Variants in ATP10D observed in about 807,000 individuals in gnomAD.
ATP10D encodes ATPase phospholipid transporting 10D (putative), also known as phospholipid-transporting ATPase VD.
In ATP10D, 89 loss-of-function variants were observed where a neutral mutation model predicts 144.8. The ratio of observed to expected loss-of-function variants is 0.61; its 90% CI spans 0.52 to 0.73. The LOEUF is 0.73. Among genes scored for constraint, ATP10D ranks in the 30% least tolerant of loss-of-function variants. The pLI is 0.00. For missense variants in ATP10D, 1,603 were observed against 1,714.8 expected, an observed-to-expected ratio of 0.93 and a Z score of 1.15; for synonymous variants, 571 against 615.1, an observed-to-expected ratio of 0.93 and a Z score of 1.06.
intron 21 of ATP10D, among the ~76,000 whole-genome samples, chr4:47,582,395 T>A (rs995381163): frequency 6.6e-6 from 1 of 152,218 alleles, no homozygotes; most frequent in Admixed American, 6.5e-5. Flanking sequence ...AAAGGTGTTG[T>A]ATCATAATCC....
chr4:47,507,699 G>T (rs915688451), intron 1 of ATP10D, among the ~76,000 whole-genome samples: 4 of 152,154 alleles, frequency 2.6e-5, no homozygotes, highest in Admixed American at 6.5e-5. Flanking sequence ...GCATAGAGAG[G>T]AATTAGGTAT....
At chr4:47,503,635 C>T (rs1030776337) in intron 1 of ATP10D, among the ~76,000 whole-genome samples, 9 of 151,958 alleles carry the variant, frequency 5.9e-5, no homozygotes, top group African/African-American at 2.2e-4. Context: ...AGTGGCTCTC[C>T]CCTGTAATCC....
chr4:47,565,834 T>C (rs1273640336), intron 15 of ATP10D, among the ~76,000 whole-genome samples: 1 of 152,180 alleles, frequency 6.6e-6, no homozygotes, highest in African/African-American at 2.4e-5. Flanking sequence ...TTAAAGGCAT[T>C]TAAAACTATC....
chr4:47,533,803 TC>T (rs1717686883), intron 5 of ATP10D, among the ~76,000 whole-genome samples: 1 of 152,306 alleles, frequency 6.6e-6, no homozygotes, highest in African/African-American at 2.4e-5. Flanking sequence ...CTGAGCTATT[TC>T]AGTTTTTCCA....
At chr4:47,576,699 G>T in intron 18 of ATP10D, 74 bp from the exon 19 acceptor site, 1 of 1,412,904 alleles carries the variant, frequency 7.1e-7, no homozygotes. Flanking sequence ...GCTCAAAATG[G>T]CAGCATTTGG....
At chr4:47,543,820 A>G (rs1718279709) in intron 9 of ATP10D, among the ~76,000 whole-genome samples, 1 of 136,292 alleles carries the variant, frequency 7.3e-6, no homozygotes. Flanking sequence ...GGAAATAGGT[A>G]TACATATATA....
intron 9 of ATP10D, among the ~76,000 whole-genome samples, chr4:47,539,055 G>A (rs1176412912): frequency 1.3e-5 from 2 of 152,166 alleles, no homozygotes; most frequent in Non-Finnish European, 2.9e-5. Context: ...ACGGGGGACA[G>A]GACTATTCAG....
In ATP10D at chr4:47,558,096, A is replaced by G. The variant is rs1454230675; in HGVS notation, c.2257A>G (p.Met753Val). ...ACGGTCTCGGACACCAGAGCAGGTC[A>G]TGGTGGACTTTGCTGCTTTGGGACC... ...TLRSRTPEQV[M>V]VDFAALGPLT... The change falls in exon 12 of 23, where the codon ATG becomes GTG. Residue 753 changes from methionine to valine, a missense_variant. Met to Val is a conservative substitution (Grantham distance 21). Transcript: ENST00000273859. The G allele has an allele frequency of 6.2e-7, 1 of 1,614,180 alleles. No homozygotes were observed. Among genetic ancestry groups the G allele is most frequent in the Admixed American group, 1.7e-5 (1 of 60,022 alleles).
At chr4:47,588,074 G>T (rs111739830) in intron 22 of ATP10D, among the ~76,000 whole-genome samples, 1,901 of 152,252 alleles carry the variant, frequency 0.012, 16 homozygotes, top group Non-Finnish European at 0.018. Context: ...AGGGAGGCTG[G>T]GTGTTGAGGG....
At chr4:47,485,990 T>C (rs1032133209) in intron 1 of ATP10D, among the ~76,000 whole-genome samples, 7 of 152,180 alleles carry the variant, frequency 4.6e-5, no homozygotes, top group Admixed American at 3.9e-4. Flanking sequence ...GTTGAAGATT[T>C]AGCCCAGCAG....
At chr4:47,558,572 G>T (rs1319356980) in intron 12 of ATP10D, among the ~76,000 whole-genome samples, 1 of 152,200 alleles carries the variant, frequency 6.6e-6, no homozygotes, top group Non-Finnish European at 1.5e-5. Flanking sequence ...TTCCTGAAAG[G>T]TTTAATGACA....
intron 1 of ATP10D, among the ~76,000 whole-genome samples, chr4:47,488,206 T>A (rs1335807633): frequency 6.6e-6 from 1 of 152,152 alleles, no homozygotes; most frequent in Non-Finnish European, 1.5e-5. Flanking sequence ...AAAAGTTTTT[T>A]AAAAATTTAA....
At chr4:47,497,719 A>G (rs1051055476) in intron 1 of ATP10D, among the ~76,000 whole-genome samples, 3 of 152,232 alleles carry the variant, frequency 2.0e-5, no homozygotes, top group Non-Finnish European at 2.9e-5. Context: ...ATAAAAGCCT[A>G]TCTATATATG....
intron 15 of ATP10D, among the ~76,000 whole-genome samples, chr4:47,564,047 ACGC>A (rs1719465553): frequency 6.6e-6 from 1 of 152,094 alleles, no homozygotes; most frequent in Non-Finnish European, 1.5e-5. Context: ...ATCTGCCACC[ACGC>A]CTGGCTAATT....
chr4:47,574,913 G>A (rs772138997), intron 18 of ATP10D, among the ~76,000 whole-genome samples: 16 of 151,964 alleles, frequency 1.1e-4, no homozygotes, highest in Non-Finnish European at 1.5e-4. Context: ...CTAACCTCCC[G>A]CCTCAGCCTC....
chr4:47,486,588 AGTTT>A (rs1254693033), intron 1 of ATP10D, among the ~76,000 whole-genome samples: 2 of 152,214 alleles, frequency 1.3e-5, no homozygotes, highest in Non-Finnish European at 2.9e-5. Flanking sequence ...GCAACGGAGT[AGTTT>A]GTTCAGTGCC....
rs74882340 is a variant in ATP10D at position 47,515,931 on chromosome 4, A to C, written c.485+261A>C. Among the ~76,000 whole-genome samples the C allele has an allele frequency of 3.3e-3, 502 of 152,272 alleles. 2 individuals are homozygous for C. The highest frequency in any genetic ancestry group is 4.4e-3 in the Non-Finnish European group (296 of 68,000). On this transcript the variant is annotated intron_variant, in intron 3 of 22. Coordinates refer to ENST00000273859, the MANE Select transcript of ATP10D (RefSeq NM_020453.4). ...TGTAACTCATGTATAAGTGGAATTA[A>C]AAGAATTAAACTTCAGGGCCGGGCG...
At chr4:47,570,228 G>A (rs1200048323) in intron 16 of ATP10D, among the ~76,000 whole-genome samples, 1 of 152,122 alleles carries the variant, frequency 6.6e-6, no homozygotes, top group Non-Finnish European at 1.5e-5. Flanking sequence ...AATGGGCATG[G>A]TCTGAAAAAA....
chr4:47,576,920 G>A lies in ATP10D; in HGVS notation c.3514G>A (p.Ala1172Thr), dbSNP rs112973469. 1.2e-6 allele frequency: 2 copies of A among 1,614,180 alleles called. No individual in the cohort carries two copies. The highest frequency in any genetic ancestry group is 1.6e-4 in the Middle Eastern group (1 of 6,062). The change falls in exon 19 of 23, where the codon GCA becomes ACA. Residue 1172 changes from alanine (A) to threonine (T), a missense_variant. By Grantham distance (58) the Ala-to-Thr change is moderately conservative. Coordinates refer to ENST00000273859, the MANE Select transcript of ATP10D (RefSeq NM_020453.4). ...TGGTGTTTTGGAGAAAGATGTGTCT[G>A]CAGAGACCCTCATGCAACTGCCTGA... ...IYGVLEKDVSAETLMQLPELY... is the reference protein window; with the variant it reads ...IYGVLEKDVSTETLMQLPELY...
Sources: gnomAD v4.1 joint callset for allele counts (sites outside exome capture counted in the v4.1 genomes callset) on GRCh38, gnomAD v4.1.1 for gene constraint, MANE v1.5 for transcripts, NCBI Gene and HGNC (gene_info 2026-07-23, HGNC 2026-07-21) for gene names.